The following ULK2 variants were observed in gnomAD, a reference collection of about 807,000 sequenced individuals.
ULK2 encodes the protein serine/threonine-protein kinase ULK2.
A neutral mutation model predicts 127.5 loss-of-function variants in ULK2; 76 were observed. That is an observed-to-expected ratio of 0.60 (90% confidence interval 0.50 to 0.72). The LOEUF is 0.72. ULK2 is among the 30% of genes least tolerant of loss of function. ULK2 has a pLI of 0.00. For missense variants in ULK2, 1,144 were observed against 1,295.9 expected, an observed-to-expected ratio of 0.88 and a Z score of 1.80; for synonymous variants, 452 against 461.9, an observed-to-expected ratio of 0.98 and a Z score of 0.28.
rs370554678 is a variant in ULK2, at chr17:19,785,948, C to T, written c.2240G>A (p.Arg747Lys). Residue 747 changes from arginine to lysine, a missense_variant, in exon 21 of 27, where the codon AGA (arginine) becomes AAA (lysine). Physicochemically the swap from Arg to Lys is conservative, Grantham distance 26 (BLOSUM62 2). Coordinates refer to ENST00000395544, the MANE Select transcript of ULK2 (RefSeq NM_014683.4). ...CAAATGCTCCTTACCTGAGGTTGTT[C>T]TTGTTCGAAGGAACATGTGGGTACA... ...PTCTHMFLRT[R>K]TTSVGPSNSG... is the part of the protein sequence containing the mutation. 3.3e-5 allele frequency: 52 copies of T among 1,593,580 alleles called. No individual in the cohort carries two copies. Among genetic ancestry groups the T allele is most frequent in the Non-Finnish European group, 4.2e-5 (49 of 1,171,874 alleles).
In ULK2 at chr17:19,810,112, T is replaced by C. The variant is rs533270211; in HGVS notation, c.1157+266A>G. Among the ~76,000 whole-genome samples, 8 of 151,344 alleles carry C rather than the reference T, an allele frequency of 5.3e-5. No homozygotes were observed. In the South Asian group the frequency reaches 1.7e-3, roughly 32 times the overall value. ...CAGGCATGGTGGCCGGCACCTATAG[T>C]CCCAGCTACTCGGGAGGCTGAGGCA... On this transcript the variant is annotated intron_variant, in intron 14 of 26. Transcript: ENST00000395544.
At position 19,795,663 on chromosome 17, in the gene ULK2, C is replaced by T. The variant is rs544131645; in HGVS notation, c.2060G>A (p.Gly687Asp). The T allele has an allele frequency of 6.2e-7, 1 of 1,614,104 alleles. No homozygotes were observed. The highest frequency in any genetic ancestry group is 1.1e-5 in the South Asian group (1 of 91,080). ...QGKTPICRHQGSTDSLNTERP... is the reference protein window; with the variant it reads ...QGKTPICRHQDSTDSLNTERP... ...TTCTGTATTTAAACTGTCTGTGCTGCCCTGATGTCGACATATAGGAGTCTT... is the reference window on the plus strand; with the variant it reads ...TTCTGTATTTAAACTGTCTGTGCTGTCCTGATGTCGACATATAGGAGTCTT... Residue 687 changes from glycine to aspartate, a missense_variant, in exon 20 of 27, where the codon GGC becomes GAC. Gly to Asp is a moderately conservative substitution (Grantham distance 94, BLOSUM62 -1). Transcript: ENST00000395544.
intron 20 of ULK2, 80 bp from the exon 21 acceptor site, chr17:19,786,166 A>G: frequency 7.2e-7 from 1 of 1,387,688 alleles, no homozygotes; most frequent in Non-Finnish European, 9.5e-7. Context: ...GGGGATACTG[A>G]CTTTTATATC....
At chr17:19,852,896 C>T (rs1375911861) in intron 3 of ULK2, among the ~76,000 whole-genome samples, 1 of 151,942 alleles carries the variant, frequency 6.6e-6, no homozygotes, top group Non-Finnish European at 1.5e-5. Flanking sequence ...GTGATCCGCC[C>T]ACCTCGGCCT....
chr17:19,831,385 C>G (rs2041438484), intron 10 of ULK2, among the ~76,000 whole-genome samples: 1 of 152,082 alleles, frequency 6.6e-6, no homozygotes, highest in South Asian at 2.1e-4. Context: ...AACTCTTAAG[C>G]AACCATGAGT....
At chr17:19,811,690 C>T (rs1362517792) in intron 13 of ULK2, among the ~76,000 whole-genome samples, 1 of 152,140 alleles carries the variant, frequency 6.6e-6, no homozygotes, top group Non-Finnish European at 1.5e-5. Context: ...GATCTGCCCA[C>T]CTCGGCCTCC....
intron 5 of ULK2, 107 bp from the exon 6 acceptor site, chr17:19,847,017 G>A: frequency 9.9e-7 from 1 of 1,011,786 alleles, no homozygotes; most frequent in South Asian, 2.2e-5. Flanking sequence ...AGGGAATGAG[G>A]AATTTGGATT....
chr17:19,832,413 C>T (rs2041479991), intron 10 of ULK2, among the ~76,000 whole-genome samples: 1 of 152,042 alleles, frequency 6.6e-6, no homozygotes, highest in South Asian at 2.1e-4. Context: ...GACTACAGGC[C>T]CACACCACAA....
intron 13 of ULK2, among the ~76,000 whole-genome samples, chr17:19,815,529 C>T (rs999577102): frequency 1.3e-5 from 2 of 152,210 alleles, no homozygotes; most frequent in African/African-American, 4.8e-5. Context: ...GATCTGCCCA[C>T]CTCGGCCTCC....
In ULK2 at chr17:19,783,843, G is replaced by A. The variant is rs1165814734; in HGVS notation, c.2314C>T (p.Pro772Ser). ...AMSGRVCVGS[P>S]PGPGFGSSPP... The stretch of plus-strand genomic sequence containing the variant: ...GAAGAGCCGAAGCCTGGGCCAGGCG[G>A]GGACCCCACGCACACGCGGCCACTC... The change falls in exon 22 of 27, where the codon CCG (proline) becomes TCG (serine). Residue 772 changes from proline (P) to serine (S), a missense_variant. Coordinates refer to ENST00000395544, the MANE Select transcript of ULK2 (RefSeq NM_014683.4). 2.5e-6 allele frequency: 4 copies of A among 1,594,750 alleles called. No individual in the cohort carries two copies. Among genetic ancestry groups the A allele is most frequent in the Non-Finnish European group, 3.4e-6 (4 of 1,171,026 alleles).
At chr17:19,835,053 T>C (rs1215440376) in intron 10 of ULK2, among the ~76,000 whole-genome samples, 1 of 152,032 alleles carries the variant, frequency 6.6e-6, no homozygotes, top group Non-Finnish European at 1.5e-5. Context: ...AGACATAATA[T>C]GTAAGACAAC....
chr17:19,825,158 T>C lies in ULK2; in HGVS notation c.860A>G (p.Tyr287Cys). 2 of 1,614,050 alleles carry C rather than the reference T, an allele frequency of 1.2e-6. No homozygotes were observed. The highest frequency in any genetic ancestry group is 1.7e-6 in the Non-Finnish European group (2 of 1,180,010). The change falls in exon 12 of 27, where the codon TAT becomes TGT. Residue 287 changes from tyrosine to cysteine, a missense_variant. Tyr to Cys is a radical substitution (Grantham distance 194). Transcript: ENST00000395544. ...KKSCPVPVPM[Y>C]SGSVSGSSCG... ...GGAGCTTCCAGAGACAGAACCAGAA[T>C]ACATGGGCACTGGAACTGGGCAAGC... is the stretch of plus-strand genomic sequence containing the variant.
rs139892196 is a variant in ULK2, at chr17:19,835,022, C to T, written c.787+3479G>A. Among the ~76,000 whole-genome samples, 1,102 of 152,186 alleles carry T rather than the reference C, an allele frequency of 7.2e-3. 10 individuals carry two copies. Among genetic ancestry groups the T allele is most frequent in the African/African-American group, 0.025 (1,034 of 41,538 alleles). On this transcript the variant is annotated intron_variant, in intron 10 of 26. Transcript: ENST00000395544. Reference sequence around the variant, plus strand: ...TGTATAAAGCAATCGTCCTAACACCCCACTGCTGAGATTACAACATAGACA... The same window carrying T: ...TGTATAAAGCAATCGTCCTAACACCTCACTGCTGAGATTACAACATAGACA...
intron 20 of ULK2, among the ~76,000 whole-genome samples, chr17:19,787,443 C>T (rs1202726283): frequency 3.3e-5 from 5 of 152,190 alleles, no homozygotes; most frequent in Admixed American, 2.0e-4. Context: ...TGAGCCACTG[C>T]ACCCAGCCAG....
intron 10 of ULK2, among the ~76,000 whole-genome samples, chr17:19,835,551 C>T (rs1273540527): frequency 6.7e-6 from 1 of 150,196 alleles, no homozygotes; most frequent in Non-Finnish European, 1.5e-5. Context: ...CCCGTCTCTA[C>T]TAAAAATACA....
chr17:19,838,458 C>T, intron 10 of ULK2, 43 bp downstream of exon 10: 1 of 1,518,006 alleles, frequency 6.6e-7, no homozygotes, highest in Non-Finnish European at 9.0e-7. Context: ...GCATATATAA[C>T]AATAAAATTA....
chr17:19,863,627 T>C (rs2042291115), intron 3 of ULK2, among the ~76,000 whole-genome samples: 1 of 151,764 alleles, frequency 6.6e-6, no homozygotes, highest in Non-Finnish European at 1.5e-5. Flanking sequence ...GCCTCCTGAG[T>C]AGCAAGAATT....
At chr17:19,849,628 T>C in intron 4 of ULK2, 114 bp downstream of exon 4, 1 of 873,582 alleles carries the variant, frequency 1.1e-6, no homozygotes, top group Non-Finnish European at 1.7e-6. Context: ...TACTACCAAT[T>C]TTAAAGTTCA....
chr17:19,842,488 C>A (rs947110382), intron 8 of ULK2, among the ~76,000 whole-genome samples: 2 of 152,148 alleles, frequency 1.3e-5, no homozygotes, highest in Middle Eastern at 3.4e-3. Context: ...TGAGCCACCA[C>A]GCCTGGCCAT....
Sources: allele counts gnomAD v4.1 joint callset (sites outside exome capture counted in the v4.1 genomes callset), GRCh38; gene constraint gnomAD v4.1.1; transcripts MANE v1.5; gene names NCBI Gene and HGNC (gene_info 2026-07-23, HGNC 2026-07-21).